The following DNAAF11 variants were observed in gnomAD, a reference collection of about 807,000 sequenced individuals.
The protein encoded by DNAAF11 is dynein axonemal assembly factor 11.
Under a neutral mutation model 60.8 loss-of-function variants are expected in DNAAF11, and 45 were observed. The observed-to-expected ratio is 0.74, with a 90% CI of 0.58 to 0.95. The LOEUF (loss-of-function observed/expected upper bound fraction) is 0.95, where lower values mean the gene tolerates loss of function less well. Among genes scored for constraint, DNAAF11 ranks in the 40% least tolerant of loss-of-function variants. The pLI is 0.00. For synonymous variants in DNAAF11, 191 were observed against 183.5 expected, an observed-to-expected ratio of 1.04 and a Z score of -0.33; for missense variants, 546 against 546.2, an observed-to-expected ratio of 1.00 and a Z score of 0.00.
chr8:132,685,802 A>G, the DNAAF11 span, among the ~76,000 whole-genome samples: 1 of 152,250 alleles, frequency 6.6e-6, no homozygotes, highest in East Asian at 1.9e-4. Context: ...CACCTACTTG[A>G]ATATGTGTGT....
At chr8:132,692,835 T>A in the DNAAF11 span, among the ~76,000 whole-genome samples, 1 of 152,174 alleles carries the variant, frequency 6.6e-6, no homozygotes, top group African/African-American at 2.4e-5. Flanking sequence ...GAGGAAAGTG[T>A]CCATTTGAAC....
intron 7 of DNAAF11, among the ~76,000 whole-genome samples, chr8:132,619,500 C>A (rs1819545703): frequency 6.6e-6 from 1 of 152,000 alleles, no homozygotes; most frequent in Admixed American, 6.6e-5. Flanking sequence ...TGATCCAAAT[C>A]TGCTATGTCC....
the DNAAF11 span, among the ~76,000 whole-genome samples, chr8:132,686,699 GAGAGA>G: frequency 4.6e-5 from 7 of 152,094 alleles, no homozygotes; most frequent in Non-Finnish European, 1.0e-4. Context: ...GGACAGTTTT[GAGAGA>G]AGAGACCCTG....
intron 7 of DNAAF11, among the ~76,000 whole-genome samples, chr8:132,620,128 C>T (rs1819608204): frequency 6.6e-6 from 1 of 151,940 alleles, no homozygotes; most frequent in Admixed American, 6.6e-5. Context: ...AGGAAGATTG[C>T]CAGAGTCCAT....
chr8:132,697,835 A>C, the DNAAF11 span, among the ~76,000 whole-genome samples: 2 of 152,158 alleles, frequency 1.3e-5, no homozygotes, highest in Non-Finnish European at 2.9e-5. Flanking sequence ...CATGAGCTTC[A>C]AAACTGGAGG....
chr8:132,572,220 A>G lies in DNAAF11; in HGVS notation c.*86T>C, dbSNP rs1191053755. On this transcript the variant is annotated 3_prime_UTR_variant, in exon 12 of 12. Transcript: ENST00000620350. Reference sequence around the variant, plus strand: ...GATATTGACAAATAACTCTGTGTTTATCCCAGGAATAATATGCATATGGTC... The same window carrying G: ...GATATTGACAAATAACTCTGTGTTTGTCCCAGGAATAATATGCATATGGTC... The G allele has an allele frequency of 9.2e-7, 1 of 1,084,892 alleles. No homozygotes were observed. The highest frequency in any genetic ancestry group is 1.3e-6 in the Non-Finnish European group (1 of 756,772). 67.2% of individuals were successfully genotyped at this position (1,084,892 alleles called of 1,614,324 possible). A position where few individuals can be genotyped will look rare whatever the true frequency, so the allele number is the denominator to read the frequency against.
At chr8:132,641,017 T>C (rs1326529133) in intron 3 of DNAAF11, among the ~76,000 whole-genome samples, 1 of 152,096 alleles carries the variant, frequency 6.6e-6, no homozygotes, top group Non-Finnish European at 1.5e-5. Context: ...CAAGAATCCA[T>C]GAGTTCATGC....
At chr8:132,586,366 T>A (rs987738131) in intron 10 of DNAAF11, among the ~76,000 whole-genome samples, 1 of 43,262 alleles carries the variant, frequency 2.3e-5, no homozygotes. Context: ...TGAAATGCGG[T>A]TAGTGCAACT....
intron 8 of DNAAF11, among the ~76,000 whole-genome samples, chr8:132,614,005 C>T (rs929384408): frequency 2.0e-5 from 3 of 152,182 alleles, no homozygotes; most frequent in Admixed American, 2.0e-4. Context: ...GTTTATTGAG[C>T]ACCTAACAGG....
At chr8:132,688,312 T>C in the DNAAF11 span, among the ~76,000 whole-genome samples, 4 of 152,174 alleles carry the variant, frequency 2.6e-5, no homozygotes, top group African/African-American at 9.7e-5. Flanking sequence ...TTACACTCAG[T>C]ATTGAGGACA....
intron 10 of DNAAF11, among the ~76,000 whole-genome samples, chr8:132,599,712 C>T (rs1163517087): frequency 6.6e-6 from 1 of 152,164 alleles, no homozygotes; most frequent in African/African-American, 2.4e-5. Context: ...AGGCCTTTGA[C>T]AAAATTCAAC....
intron 1 of DNAAF11, 40 bp downstream of exon 1, chr8:132,675,443 CA>C: frequency 1.3e-6 from 2 of 1,553,662 alleles, no homozygotes; most frequent in Non-Finnish European, 1.7e-6. Context: ...ACTACTTCCA[CA>C]AGGGGAACGA....
chr8:132,614,701 T>C (rs1413587687), intron 8 of DNAAF11, among the ~76,000 whole-genome samples: 1 of 152,078 alleles, frequency 6.6e-6, no homozygotes, highest in East Asian at 1.9e-4. Context: ...CCTACTACTA[T>C]AGGAAGGCAT....
the DNAAF11 span, among the ~76,000 whole-genome samples, chr8:132,700,153 A>G: frequency 6.6e-6 from 1 of 152,228 alleles, no homozygotes; most frequent in Non-Finnish European, 1.5e-5. Context: ...CAAAAAGAGC[A>G]TATTAGATAT....
chr8:132,666,030 TG>T (rs1824590827), intron 1 of DNAAF11, among the ~76,000 whole-genome samples: 3 of 152,200 alleles, frequency 2.0e-5, no homozygotes, highest in South Asian at 4.1e-4. Context: ...CACTTATAAG[TG>T]GGAGCTAAAC....
In DNAAF11 at chr8:132,632,683, TAC is replaced by T. The variant is rs1213626424; in HGVS notation, c.653+55_653+56del. 3 of 1,182,506 alleles carry T rather than the reference TAC, an allele frequency of 2.5e-6. No individual in the cohort carries two copies. The African/African-American group carries it at 4.5e-5, about 18-fold the overall frequency. 73.3% of individuals were successfully genotyped at this position (1,182,506 alleles called of 1,614,324 possible). On this transcript the variant is annotated intron_variant, in intron 5 of 11. Coordinates refer to ENST00000620350, the MANE Select transcript of DNAAF11 (RefSeq NM_012472.6). Reference sequence around the variant, plus strand: ...TACTGCAAACAACTTGGAAAGAGAATACAGTTTGCTGCTTTTAACAAAAGTTA... The same window carrying T: ...TACTGCAAACAACTTGGAAAGAGAATAGTTTGCTGCTTTTAACAAAAGTTA...
rs187546199 is a variant in DNAAF11, at chr8:132,574,523, T to C, written c.1227-2043A>G. ...ATTTCATATGTGTTGTTGCAACCCA[T>C]TGCAGGAGGAATTAAGCATGTCTTG... On this transcript the variant is annotated intron_variant, in intron 11 of 11. Transcript: ENST00000620350. 4.5e-3 allele frequency among the ~76,000 whole-genome samples: 683 copies of C among 152,334 alleles called. 8 individuals carry two copies. Among genetic ancestry groups the C allele is most frequent in the African/African-American group, 0.016 (649 of 41,572 alleles).
intron 11 of DNAAF11, among the ~76,000 whole-genome samples, chr8:132,575,414 C>A (rs1814636965): frequency 6.6e-6 from 1 of 152,184 alleles, no homozygotes; most frequent in African/African-American, 2.4e-5. Flanking sequence ...TTATGAAATT[C>A]AGTATGCTTT....
intron 11 of DNAAF11, among the ~76,000 whole-genome samples, chr8:132,575,056 A>C (rs1814598404): frequency 6.6e-6 from 1 of 152,168 alleles, no homozygotes; most frequent in Non-Finnish European, 1.5e-5. Context: ...TAAACCCACA[A>C]CCTGCTAGGC....
Sources: gnomAD v4.1 joint callset for allele counts (sites outside exome capture counted in the v4.1 genomes callset) on GRCh38, gnomAD v4.1.1 for gene constraint, MANE v1.5 for transcripts, NCBI Gene and HGNC (gene_info 2026-07-23, HGNC 2026-07-21) for gene names.